GLIS3: variants seen among roughly 807,000 people sequenced by gnomAD.
GLIS3 encodes the protein GLIS family zinc finger 3, also known as zinc finger protein GLIS3.
GLIS3 carries 53 observed loss-of-function variants against 78.6 expected under a neutral mutation model. That is an observed-to-expected ratio of 0.67 (90% confidence interval 0.54 to 0.85). The LOEUF is 0.85. GLIS3 is among the 40% of genes least tolerant of loss of function. The probability of loss-of-function intolerance (pLI) is 0.00; values close to 1 mark genes in which losing one functional copy is unlikely to be tolerated. For missense variants in GLIS3, 1,703 were observed against 1,231.1 expected (o/e 1.38, Z -5.74); for synonymous variants, 684 against 509.9 (o/e 1.34, Z -4.60).
intron 4 of GLIS3, among the ~76,000 whole-genome samples, chr9:4,086,051 C>T (rs1202546374): frequency 6.6e-6 from 1 of 152,228 alleles, no homozygotes; most frequent in Admixed American, 6.5e-5. Flanking sequence ...TTAACCATTT[C>T]TTTGTCCTTA....
intron 4 of GLIS3, among the ~76,000 whole-genome samples, chr9:3,986,308 G>A (rs1819737679): frequency 6.6e-6 from 1 of 152,178 alleles, no homozygotes; most frequent in Non-Finnish European, 1.5e-5. Context: ...GGATACAACT[G>A]TAGATAATTT....
intron 2 of GLIS3, among the ~76,000 whole-genome samples, chr9:4,172,179 T>C (rs763875930): frequency 1.3e-5 from 2 of 152,172 alleles, no homozygotes; most frequent in Admixed American, 6.5e-5. Flanking sequence ...CACATGAATA[T>C]GTATTTCTTA....
the GLIS3 span, among the ~76,000 whole-genome samples, chr9:4,432,214 T>C: frequency 6.6e-6 from 1 of 151,144 alleles, no homozygotes; most frequent in Non-Finnish European, 1.5e-5. Context: ...AAGGTCAGTG[T>C]ATAGGAGTTG....
At chr9:4,072,861 AG>A (rs1202417910) in intron 4 of GLIS3, among the ~76,000 whole-genome samples, 1 of 152,162 alleles carries the variant, frequency 6.6e-6, no homozygotes, top group Admixed American at 6.6e-5. Context: ...AGCCTAACCG[AG>A]TCATACTTAT....
At chr9:4,159,587 C>T (rs1017596506) in intron 2 of GLIS3, among the ~76,000 whole-genome samples, 9 of 152,056 alleles carry the variant, frequency 5.9e-5, no homozygotes, top group South Asian at 2.1e-4. Flanking sequence ...GGCATGGTGG[C>T]ACATGCCTGT....
At chr9:4,194,473 G>A (rs1818618607) in intron 2 of GLIS3, among the ~76,000 whole-genome samples, 2 of 152,178 alleles carry the variant, frequency 1.3e-5, no homozygotes, top group South Asian at 4.1e-4. Context: ...ATTTTTCCAA[G>A]ATGGTAGATT....
chr9:4,332,903 T>C (rs1020864992), intron 2 of GLIS3, among the ~76,000 whole-genome samples: 19 of 152,222 alleles, frequency 1.2e-4, no homozygotes, highest in African/African-American at 4.6e-4. Flanking sequence ...TTATTGTTCT[T>C]TGTTTACAGT....
At chr9:4,282,737 T>A (rs1446995160) in intron 2 of GLIS3, among the ~76,000 whole-genome samples, 3 of 147,530 alleles carry the variant, frequency 2.0e-5, no homozygotes, top group Non-Finnish European at 4.6e-5. Flanking sequence ...TATAACAAAT[T>A]TCTTTATATA....
chr9:3,918,517 G>T (rs935151042), intron 6 of GLIS3, among the ~76,000 whole-genome samples: 1 of 152,078 alleles, frequency 6.6e-6, no homozygotes, highest in African/African-American at 2.4e-5. Flanking sequence ...TACCTTATGG[G>T]AACTAGGACT....
chr9:4,290,261 C>T (rs979743821), intron 1 of GLIS3, among the ~76,000 whole-genome samples: 2 of 152,002 alleles, frequency 1.3e-5, no homozygotes, highest in African/African-American at 4.8e-5. Context: ...TTTCTTATGC[C>T]ACAAGCACTT....
At chr9:4,455,545 G>A in the GLIS3 span, among the ~76,000 whole-genome samples, 1 of 152,178 alleles carries the variant, frequency 6.6e-6, no homozygotes, top group Admixed American at 6.5e-5. Flanking sequence ...CATATAATTT[G>A]TTTGAGCGGA....
At chr9:3,955,683 C>A (rs1817053640) in intron 4 of GLIS3, among the ~76,000 whole-genome samples, 1 of 152,050 alleles carries the variant, frequency 6.6e-6, no homozygotes, top group Non-Finnish European at 1.5e-5. Context: ...TGAAAAGTAG[C>A]AAAATGTCAG....
At chr9:4,278,039 T>G (rs1827188970) in intron 2 of GLIS3, among the ~76,000 whole-genome samples, 1 of 152,068 alleles carries the variant, frequency 6.6e-6, no homozygotes, top group South Asian at 2.1e-4. Context: ...TGATCAATTT[T>G]TAAACTAATT....
intron 6 of GLIS3, among the ~76,000 whole-genome samples, chr9:3,923,523 G>A (rs1029936311): frequency 6.6e-6 from 1 of 151,750 alleles, no homozygotes; most frequent in Non-Finnish European, 1.5e-5. Context: ...AGGTCACCAT[G>A]GAAAAGCAGC....
chr9:4,330,912 G>C (rs959500654), intron 2 of GLIS3, among the ~76,000 whole-genome samples: 1 of 152,198 alleles, frequency 6.6e-6, no homozygotes, highest in Non-Finnish European at 1.5e-5. Flanking sequence ...AGCACTGTTT[G>C]TCACTGTGCT....
In GLIS3 at chr9:4,050,462, G is replaced by T. The variant is rs373097120; in HGVS notation, c.1710+67306C>A. ...GGGCCTGTTGGTGGGTGGGGGTCTGGGGGAGGGATAGCGTTAGGTGAAATA... is the reference window on the plus strand; with the variant it reads ...GGGCCTGTTGGTGGGTGGGGGTCTGTGGGAGGGATAGCGTTAGGTGAAATA... On this transcript the variant is annotated intron_variant, in intron 4 of 10. Transcript: ENST00000381971. Among the ~76,000 whole-genome samples, 35 of 152,258 alleles carry T rather than the reference G, an allele frequency of 2.3e-4. No homozygotes were observed. The East Asian group carries it at 5.2e-3, about 23-fold the overall frequency.
At chr9:4,222,204 C>A (rs1377051067) in intron 2 of GLIS3, among the ~76,000 whole-genome samples, 1 of 152,188 alleles carries the variant, frequency 6.6e-6, no homozygotes, top group Non-Finnish European at 1.5e-5. Flanking sequence ...CAGCTATAGG[C>A]CATTATGTAC....
At chr9:4,011,601 C>A (rs530503110) in intron 4 of GLIS3, among the ~76,000 whole-genome samples, 1 of 152,322 alleles carries the variant, frequency 6.6e-6, no homozygotes, top group Non-Finnish European at 1.5e-5. Flanking sequence ...GCCCATCTAC[C>A]TGCTGAATAG....
intron 2 of GLIS3, among the ~76,000 whole-genome samples, chr9:4,274,672 C>T (rs935992526): frequency 6.6e-6 from 1 of 152,172 alleles, no homozygotes; most frequent in Non-Finnish European, 1.5e-5. Flanking sequence ...ATTAAGAATG[C>T]CAAGAAGGTG....
Sources: gnomAD v4.1 joint callset for allele counts (sites outside exome capture counted in the v4.1 genomes callset) on GRCh38, gnomAD v4.1.1 for gene constraint, MANE v1.5 for transcripts, NCBI Gene and HGNC (gene_info 2026-07-23, HGNC 2026-07-21) for gene names.